Variants in CMSS1 observed in about 807,000 individuals in gnomAD.
CMSS1 encodes protein CMSS1.
Under a neutral mutation model 43.5 loss-of-function variants are expected in CMSS1, and 33 were observed. The ratio of observed to expected loss-of-function variants is 0.76; its 90% CI spans 0.57 to 1.01. The LOEUF (loss-of-function observed/expected upper bound fraction) is 1.01. Among genes scored for constraint, CMSS1 ranks in the 50% least tolerant of loss-of-function variants. The pLI, the probability that CMSS1 is intolerant of heterozygous loss-of-function variation, is 0.00. For missense variants in CMSS1, 313 were observed against 326.4 expected, an observed-to-expected ratio of 0.96 and a Z score of 0.32; for synonymous variants, 115 against 117.2, an observed-to-expected ratio of 0.98 and a Z score of 0.12.
chr3:100,135,069 G>A (rs746811904), intron 1 of CMSS1, among the ~76,000 whole-genome samples: 45 of 152,144 alleles, frequency 3.0e-4, no homozygotes, highest in Non-Finnish European at 5.4e-4. Context: ...TATTTACAAA[G>A]AGCATTTAGA....
intron 1 of CMSS1, among the ~76,000 whole-genome samples, chr3:99,926,770 A>G (rs566516440): frequency 4.3e-4 from 66 of 152,318 alleles, no homozygotes; most frequent in African/African-American, 1.5e-3. Context: ...AAAGAGAGAA[A>G]ATAGAAGGTT....
chr3:99,994,049 GTTC>G (rs1239718811), intron 1 of CMSS1, among the ~76,000 whole-genome samples: 1 of 152,084 alleles, frequency 6.6e-6, no homozygotes, highest in Non-Finnish European at 1.5e-5. Flanking sequence ...ATTGGATTTT[GTTC>G]TTTGTGTATT....
Position 100,094,674 on chromosome 3 carries a change from CTTTTTTTTT to C in CMSS1, c.65-52278_65-52270del, listed in dbSNP as rs71132509. On this transcript the variant is annotated intron_variant, in intron 1 of 9. Transcript: ENST00000421999. ...CAGCACCATTTGTTGGAAAAGCTGC[CTTTTTTTTT>C]TTTTTTTTTTTTTTTTTTTTGAGAC... 3.4e-3 allele frequency among the ~76,000 whole-genome samples: 192 copies of C among 57,006 alleles called. 1 individual carries two copies. Among genetic ancestry groups the C allele is most frequent in the Non-Finnish European group, 4.9e-3 (153 of 31,320 alleles). The allele number at this position is 57,006 out of a possible 152,430, so 37.4% of individuals were successfully genotyped here. A position where few individuals can be genotyped will look rare whatever the true frequency, so the allele number is the denominator to read the frequency against.
In CMSS1 at chr3:99,890,149, A is replaced by G. The variant is rs1226515823; in HGVS notation, c.64+72106A>G. Among the ~76,000 whole-genome samples the G allele has an allele frequency of 2.0e-5, 3 of 152,172 alleles. No individual in the cohort carries two copies. In the East Asian group the frequency reaches 5.8e-4, roughly 29 times the overall value. On this transcript the variant is annotated intron_variant, in intron 1 of 9. Transcript: ENST00000421999. ...CTTGAGGATTTTTACTGGGTATAGAATGCTTGGTTGAGACTTGTTTTCTGT... is the reference window on the plus strand; with the variant it reads ...CTTGAGGATTTTTACTGGGTATAGAGTGCTTGGTTGAGACTTGTTTTCTGT...
At chr3:100,095,539 A>T (rs1278982951) in intron 1 of CMSS1, among the ~76,000 whole-genome samples, 1 of 152,194 alleles carries the variant, frequency 6.6e-6, no homozygotes, top group East Asian at 1.9e-4. Context: ...TCTCCAATAA[A>T]TGGTGCTAGG....
At chr3:100,134,583 G>C (rs1488148688) in intron 1 of CMSS1, among the ~76,000 whole-genome samples, 1 of 152,128 alleles carries the variant, frequency 6.6e-6, no homozygotes, top group Non-Finnish European at 1.5e-5. Flanking sequence ...AACCAGATGG[G>C]ATATAGGGAA....
intron 1 of CMSS1, among the ~76,000 whole-genome samples, chr3:100,092,247 T>C (rs545611851): frequency 7.3e-4 from 111 of 152,246 alleles, no homozygotes; most frequent in Middle Eastern, 3.4e-3. Context: ...TAAGAATTGA[T>C]TGTGATTGGA....
At position 100,146,900 on chromosome 3, in the gene CMSS1, A is replaced by G. The variant is rs1204181341; in HGVS notation, c.65-73A>G. ...AAAGTGAAGAGATAGAACCTTCTAGAAAGATGGTACCAAGATTGCACTAGC... is the reference window on the plus strand; with the variant it reads ...AAAGTGAAGAGATAGAACCTTCTAGGAAGATGGTACCAAGATTGCACTAGC... On this transcript the variant is annotated intron_variant, in intron 1 of 9. Coordinates refer to ENST00000421999, the MANE Select transcript of CMSS1 (RefSeq NM_032359.4). 4 of 1,535,510 alleles carry G rather than the reference A, an allele frequency of 2.6e-6. No individual in the cohort carries two copies. In the East Asian group the frequency reaches 9.5e-5, roughly 36 times the overall value.
intron 1 of CMSS1, among the ~76,000 whole-genome samples, chr3:99,942,201 CAAAA>C (rs968127559): frequency 3.4e-5 from 4 of 119,240 alleles, no homozygotes; most frequent in African/African-American, 1.3e-4. Context: ...GACTCCATCT[CAAAA>C]AAAAAAAAAG....
intron 1 of CMSS1, among the ~76,000 whole-genome samples, chr3:100,086,118 T>A (rs1397176724): frequency 1.3e-5 from 2 of 152,250 alleles, no homozygotes; most frequent in Admixed American, 6.5e-5. Flanking sequence ...TAAACATGTA[T>A]CTTTCTGCAG....
chr3:99,847,088 A>C (rs1943397733), intron 1 of CMSS1, among the ~76,000 whole-genome samples: 1 of 152,212 alleles, frequency 6.6e-6, no homozygotes, highest in Admixed American at 6.5e-5. Flanking sequence ...CATAATAATC[A>C]CAGAAGAAAT....
intron 1 of CMSS1, among the ~76,000 whole-genome samples, chr3:100,076,771 T>C (rs1187282414): frequency 1.3e-5 from 2 of 152,242 alleles, no homozygotes; most frequent in Admixed American, 6.5e-5. Context: ...TAACGTCTTC[T>C]CAGATTTCCA....
At chr3:100,162,272 C>T (rs1324589851) in intron 3 of CMSS1, 31 bp from the exon 4 acceptor site, 13 of 1,594,972 alleles carry the variant, frequency 8.2e-6, no homozygotes, top group East Asian at 2.2e-5. Context: ...TAAAATATGT[C>T]GTCCCATTTT....
intron 2 of CMSS1, among the ~76,000 whole-genome samples, chr3:100,147,767 G>A (rs774871113): frequency 7.9e-5 from 12 of 152,128 alleles, no homozygotes; most frequent in Non-Finnish European, 1.6e-4. Flanking sequence ...GCAGGCTCCT[G>A]GGACCTTATT....
intron 6 of CMSS1, among the ~76,000 whole-genome samples, chr3:100,170,400 G>A (rs2067100554): frequency 6.6e-6 from 1 of 152,180 alleles, no homozygotes; most frequent in Admixed American, 6.5e-5. Flanking sequence ...CAGAAAATTA[G>A]GTGAAGCGAG....
chr3:100,018,808 A>G (rs1264080468), intron 1 of CMSS1, among the ~76,000 whole-genome samples: 1 of 152,258 alleles, frequency 6.6e-6, no homozygotes, highest in African/African-American at 2.4e-5. Context: ...CAAACCATGT[A>G]TCAGGTAAGG....
chr3:99,874,665 A>G (rs1705417405), intron 1 of CMSS1, among the ~76,000 whole-genome samples: 1 of 152,238 alleles, frequency 6.6e-6, no homozygotes, highest in African/African-American at 2.4e-5. Flanking sequence ...GGCAAAAATG[A>G]TAGGCACCAA....
chr3:100,154,017 A>G (rs1270665965), intron 2 of CMSS1, among the ~76,000 whole-genome samples: 1 of 151,748 alleles, frequency 6.6e-6, no homozygotes, highest in Non-Finnish European at 1.5e-5. Context: ...TGCCTGGCCA[A>G]TTTTTGTATT....
At chr3:100,034,849 A>C (rs1469243420) in intron 1 of CMSS1, among the ~76,000 whole-genome samples, 1 of 152,222 alleles carries the variant, frequency 6.6e-6, no homozygotes, top group African/African-American at 2.4e-5. Flanking sequence ...CGGTATATAC[A>C]TACGAATATA....
Sources: allele counts gnomAD v4.1 joint callset (sites outside exome capture counted in the v4.1 genomes callset), GRCh38; gene constraint gnomAD v4.1.1; transcripts MANE v1.5; gene names NCBI Gene and HGNC (gene_info 2026-07-23, HGNC 2026-07-21).